BANK1: variants seen among roughly 807,000 people sequenced by gnomAD.
The protein encoded by BANK1 is B-cell scaffold protein with ankyrin repeats.
Under a neutral mutation model 94.5 loss-of-function variants are expected in BANK1, and 95 were observed. That is an observed-to-expected ratio of 1.00 (90% CI 0.85 to 1.19). The LOEUF is 1.19. Ranked by LOEUF, BANK1 falls within the 50% of genes most tolerant of loss-of-function variation. BANK1 has a pLI of 0.00. For missense variants in BANK1, 987 were observed against 932.2 expected (o/e 1.06, Z -0.77); for synonymous variants, 334 against 308.4 (o/e 1.08, Z -0.87).
intron 1 of BANK1, among the ~76,000 whole-genome samples, chr4:101,798,801 TG>T (rs1202705370): frequency 6.6e-6 from 1 of 152,216 alleles, no homozygotes; most frequent in Non-Finnish European, 1.5e-5. Flanking sequence ...CACTTTTTGA[TG>T]GGGTTGTTTG....
chr4:101,839,612 T>C lies in BANK1; in HGVS notation c.469+9406T>C, dbSNP rs1021240697. The stretch of plus-strand genomic sequence containing the variant: ...ATTATGGAAATTGAGAACCTATATT[T>C]TTCAGCCCCGTTATTATGCTACCCT... On this transcript the variant is annotated intron_variant, in intron 2 of 16. Transcript: ENST00000322953. Among the ~76,000 whole-genome samples the C allele has an allele frequency of 2.6e-5, 4 of 152,298 alleles. No homozygotes were observed. In the South Asian group the frequency reaches 8.3e-4, roughly 32 times the overall value.
intron 6 of BANK1, among the ~76,000 whole-genome samples, chr4:101,896,274 A>T (rs1365021312): frequency 2.0e-5 from 3 of 151,976 alleles, no homozygotes; most frequent in African/African-American, 7.2e-5. Context: ...ACTGAAGTAG[A>T]GATGTAATGG....
At chr4:101,896,369 T>C (rs1343347024) in intron 6 of BANK1, among the ~76,000 whole-genome samples, 1 of 151,910 alleles carries the variant, frequency 6.6e-6, no homozygotes, top group African/African-American at 2.4e-5. Flanking sequence ...TTATTTTCTG[T>C]AGGGTTTCTG....
chr4:101,959,101 A>C (rs748600886), intron 7 of BANK1, among the ~76,000 whole-genome samples: 5 of 151,846 alleles, frequency 3.3e-5, no homozygotes, highest in Middle Eastern at 6.8e-3. Flanking sequence ...AGTACTAAAA[A>C]CTATTATTAT....
At chr4:102,014,119 A>G (rs1171477362) in intron 7 of BANK1, among the ~76,000 whole-genome samples, 1 of 152,120 alleles carries the variant, frequency 6.6e-6, no homozygotes, top group Non-Finnish European at 1.5e-5. Flanking sequence ...AACCTATACA[A>G]CCTAAAGATG....
chr4:101,926,581 T>G (rs751430658), intron 7 of BANK1, among the ~76,000 whole-genome samples: 1 of 151,588 alleles, frequency 6.6e-6, no homozygotes, highest in Non-Finnish European at 1.5e-5. Flanking sequence ...AGACCAAAAC[T>G]CCTACCCTAA....
chr4:101,912,959 G>A (rs572140978), intron 6 of BANK1, among the ~76,000 whole-genome samples: 22 of 152,252 alleles, frequency 1.4e-4, no homozygotes, highest in African/African-American at 4.8e-4. Context: ...TTCCTTGGCC[G>A]ACATGTTGAT....
intron 3 of BANK1, among the ~76,000 whole-genome samples, chr4:101,858,367 G>T (rs1727756607): frequency 6.6e-6 from 1 of 152,202 alleles, no homozygotes; most frequent in African/African-American, 2.4e-5. Flanking sequence ...TATCAACAGT[G>T]TCAAGTTTAA....
At chr4:101,995,109 A>C (rs2851317) in intron 7 of BANK1, among the ~76,000 whole-genome samples, 135,096 of 151,954 alleles carry the variant, frequency 0.89, 60,570 homozygotes, top group Non-Finnish European at 0.95. Context: ...ACCCCCCACC[A>C]CCTGACAGGC....
rs564057429 is a variant in BANK1 at position 101,986,744 on chromosome 4, G to T, written c.1207-34770G>T. 3.5e-3 allele frequency among the ~76,000 whole-genome samples: 509 copies of T among 146,424 alleles called. 3 individuals are homozygous for T. The highest frequency in any genetic ancestry group is 0.012 in the African/African-American group (488 of 39,764). Reference sequence around the variant, plus strand: ...TCTCATTTACTCTTTCTTCTAATGTGATTGATCCTCTGCTACATAGGAAGG... The same window carrying T: ...TCTCATTTACTCTTTCTTCTAATGTTATTGATCCTCTGCTACATAGGAAGG... On this transcript the variant is annotated intron_variant, in intron 7 of 16. Transcript: ENST00000322953.
At chr4:102,027,943 T>C (rs1022631355) in intron 9 of BANK1, among the ~76,000 whole-genome samples, 4 of 152,212 alleles carry the variant, frequency 2.6e-5, no homozygotes, top group Non-Finnish European at 5.9e-5. Context: ...CTCTTTTTTA[T>C]ACAGTCTTGA....
intron 11 of BANK1, among the ~76,000 whole-genome samples, chr4:102,045,163 A>C (rs1252159524): frequency 6.6e-6 from 1 of 152,108 alleles, no homozygotes; most frequent in African/African-American, 2.4e-5. Context: ...TTATGGTTTT[A>C]GGTCTAACGT....
At chr4:101,812,092 A>G (rs1014007089) in intron 1 of BANK1, among the ~76,000 whole-genome samples, 5 of 152,010 alleles carry the variant, frequency 3.3e-5, no homozygotes, top group Non-Finnish European at 7.4e-5. Flanking sequence ...ATGGTAAGTT[A>G]TCTTGTTGAA....
Position 101,841,486 on chromosome 4 carries a change from A to G in BANK1, c.469+11280A>G, listed in dbSNP as rs962613197. 4.6e-5 allele frequency among the ~76,000 whole-genome samples: 7 copies of G among 152,160 alleles called. 1 individual carries two copies. Among genetic ancestry groups the G allele is most frequent in the African/African-American group, 1.7e-4 (7 of 41,442 alleles). On this transcript the variant is annotated intron_variant, in intron 2 of 16. Transcript: ENST00000322953. Reference sequence around the variant, plus strand: ...GGCCAAGATTTCATATGGCCCAGAGATGATATATTGACAACTATTCCATGG... The same window carrying G: ...GGCCAAGATTTCATATGGCCCAGAGGTGATATATTGACAACTATTCCATGG...
intron 7 of BANK1, among the ~76,000 whole-genome samples, chr4:101,922,009 C>CTTGT (rs369185640): frequency 1.5e-5 from 2 of 129,366 alleles, no homozygotes; most frequent in Non-Finnish European, 3.3e-5. Context: ...ACACTGGGCC[C>CTTGT]GTGTGTGTGT....
intron 7 of BANK1, among the ~76,000 whole-genome samples, chr4:101,946,187 GA>G (rs2148912255): frequency 6.6e-6 from 1 of 152,022 alleles, no homozygotes; most frequent in Non-Finnish European, 1.5e-5. Flanking sequence ...GAAGACATCA[GA>G]TCTTTTATAA....
At chr4:102,068,253 A>G (rs1728652326) in intron 13 of BANK1, among the ~76,000 whole-genome samples, 1 of 152,130 alleles carries the variant, frequency 6.6e-6, no homozygotes, top group African/African-American at 2.4e-5. Context: ...CTTTAAGTCA[A>G]TGATTTAAGT....
intron 11 of BANK1, among the ~76,000 whole-genome samples, chr4:102,057,986 G>T (rs1728286564): frequency 6.6e-6 from 1 of 152,022 alleles, no homozygotes; most frequent in African/African-American, 2.4e-5. Flanking sequence ...ATTTTAACGT[G>T]TATATAATTT....
At chr4:101,919,283 T>C (rs1211490290) in intron 7 of BANK1, among the ~76,000 whole-genome samples, 2 of 151,958 alleles carry the variant, frequency 1.3e-5, no homozygotes, top group Non-Finnish European at 2.9e-5. Context: ...GGTTAAAATT[T>C]TCCCTGGAAG....
Sources: gnomAD v4.1 joint callset for allele counts (sites outside exome capture counted in the v4.1 genomes callset) on GRCh38, gnomAD v4.1.1 for gene constraint, MANE v1.5 for transcripts, NCBI Gene and HGNC (gene_info 2026-07-23, HGNC 2026-07-21) for gene names.